ZNF599: variants seen among roughly 807,000 people sequenced by gnomAD.
ZNF599 encodes the protein zinc finger protein 599.
ZNF599 carries 10 observed loss-of-function variants against 11.7 expected under a neutral mutation model. That is an observed-to-expected ratio of 0.86 (90% CI 0.53 to 1.45). The LOEUF is 1.45. ZNF599 is among the 40% of genes most tolerant of loss of function. The pLI is 0.00. For missense variants in ZNF599, 688 were observed against 713.6 expected, an observed-to-expected ratio of 0.96 and a Z score of 0.41; for synonymous variants, 232 against 253.2, an observed-to-expected ratio of 0.92 and a Z score of 0.79.
upstream of ZNF599, among the ~76,000 whole-genome samples, chr19:34,773,402 T>C: frequency 6.6e-6 from 1 of 151,980 alleles, no homozygotes; most frequent in East Asian, 1.9e-4. Context: ...AGGGATTGGC[T>C]TCACCTCTTC....
chr19:34,767,301 C>T lies in ZNF599; in HGVS notation c.241+15G>A, dbSNP rs770628654. 7 of 1,610,684 alleles carry T rather than the reference C, an allele frequency of 4.3e-6. No individual in the cohort carries two copies. The African/African-American group carries it at 9.4e-5, about 22-fold the overall frequency. Reference sequence around the variant, plus strand: ...GGCTGCCCTGATACCCGCTGCCAGACTCTCAGTCACCAACCTGCGCAGGTG... The same window carrying T: ...GGCTGCCCTGATACCCGCTGCCAGATTCTCAGTCACCAACCTGCGCAGGTG... On this transcript the variant is annotated intron_variant, in intron 3 of 3. Transcript: ENST00000329285.
At chr19:34,786,103 G>T in the ZNF599 span, among the ~76,000 whole-genome samples, 1 of 152,254 alleles carries the variant, frequency 6.6e-6, no homozygotes, top group Admixed American at 6.5e-5. Flanking sequence ...TCCCTGCTCA[G>T]TGCTGACAAA....
the ZNF599 span, among the ~76,000 whole-genome samples, chr19:34,802,205 G>A: frequency 1.3e-5 from 2 of 152,224 alleles, no homozygotes; most frequent in East Asian, 3.8e-4. Flanking sequence ...GAGTTCACAG[G>A]ACTGTTTTCA....
the ZNF599 span, among the ~76,000 whole-genome samples, chr19:34,795,422 A>G: frequency 6.6e-6 from 1 of 151,996 alleles, no homozygotes; most frequent in South Asian, 2.1e-4. Context: ...CCACAGGCGC[A>G]CACTACCCTG....
At chr19:34,767,208 T>C in intron 3 of ZNF599, 108 bp downstream of exon 3, 2 of 781,636 alleles carry the variant, frequency 2.6e-6, no homozygotes, top group African/African-American at 1.7e-5. Flanking sequence ...AAGGGCTCCA[T>C]GACTGCTCAA....
chr19:34,790,793 G>T, the ZNF599 span, among the ~76,000 whole-genome samples: 1 of 151,880 alleles, frequency 6.6e-6, no homozygotes, highest in African/African-American at 2.4e-5. Flanking sequence ...TGAGGTGATA[G>T]ATTTAATTAG....
upstream of ZNF599, among the ~76,000 whole-genome samples, chr19:34,774,604 T>C (rs141326113): frequency 1.5e-4 from 23 of 152,366 alleles, no homozygotes; most frequent in East Asian, 4.4e-3. Context: ...GAAGCCAGGA[T>C]GTGCTGTCCT....
chr19:34,760,251 G>C lies in ZNF599; in HGVS notation c.550C>G (p.Gln184Glu). ...GTCATGGGGTCTTTTCCTGGTCCTT[G>C]AGAGTCACACTCATGGAGAGCATCT... ...PQDALHECDS[Q>E]GPGKDPMTDA... Residue 184 changes from glutamine to glutamate, a missense_variant, in exon 4 of 4, where the codon CAA becomes GAA. Coordinates refer to ENST00000329285, the MANE Select transcript of ZNF599 (RefSeq NM_001007248.3). 5 of 1,614,098 alleles carry C rather than the reference G, an allele frequency of 3.1e-6. No homozygotes were observed. The highest frequency in any genetic ancestry group is 2.2e-5 in the East Asian group (1 of 44,882).
upstream of ZNF599, among the ~76,000 whole-genome samples, chr19:34,775,252 C>T (rs776705704): frequency 6.6e-6 from 1 of 152,204 alleles, no homozygotes; most frequent in African/African-American, 2.4e-5. Flanking sequence ...CAACCTAACA[C>T]ATTTACCAAC....
the ZNF599 span, among the ~76,000 whole-genome samples, chr19:34,780,909 C>A: frequency 1.3e-5 from 2 of 152,142 alleles, no homozygotes. Flanking sequence ...GTAATCCCAG[C>A]ACTTTGGGAG....
In ZNF599 at chr19:34,772,891, C is replaced by T. The variant is rs1379251781; in HGVS notation, c.-50G>A. The T allele has an allele frequency of 5.7e-6, 8 of 1,414,734 alleles. No homozygotes were observed. The highest frequency in any genetic ancestry group is 7.3e-6 in the Non-Finnish European group (8 of 1,090,272). 87.6% of individuals were successfully genotyped at this position (1,414,734 alleles called of 1,614,324 possible). A position where few individuals can be genotyped will look rare whatever the true frequency, so the allele number is the denominator to read the frequency against. ...GTGAGAGTCGGCGAGGAAGCCGGTC[C>T]TGCGGGCTCGGCCGACCCCGGGCTC... On this transcript the variant is annotated 5_prime_UTR_variant, in exon 1 of 4. Transcript: ENST00000329285.
the ZNF599 span, among the ~76,000 whole-genome samples, chr19:34,801,308 T>C: frequency 1.3e-5 from 2 of 152,242 alleles, no homozygotes; most frequent in East Asian, 3.9e-4. Context: ...GAATTTTCCA[T>C]TTTTGCTGCA....
chr19:34,792,624 G>T, the ZNF599 span, among the ~76,000 whole-genome samples: 1 of 152,128 alleles, frequency 6.6e-6, no homozygotes, highest in Non-Finnish European at 1.5e-5. Context: ...AGCACTTTGG[G>T]AGGCCAAAGT....
At chr19:34,790,201 C>T in the ZNF599 span, among the ~76,000 whole-genome samples, 152 of 152,212 alleles carry the variant, frequency 1.0e-3, 1 homozygote, top group African/African-American at 3.4e-3. Flanking sequence ...ATTCAATTAA[C>T]GATAGCTTGT....
rs998624668 is a variant in ZNF599 at position 34,758,972 on chromosome 19, G to T, written c.*62C>A. On this transcript the variant is annotated 3_prime_UTR_variant, in exon 4 of 4. Coordinates refer to ENST00000329285, the MANE Select transcript of ZNF599 (RefSeq NM_001007248.3). Reference sequence around the variant, plus strand: ...TCAATAGTTATACTCAAAAGGAAAGGTATGTCACCACTATGAGTTCACTAA... The same window carrying T: ...TCAATAGTTATACTCAAAAGGAAAGTTATGTCACCACTATGAGTTCACTAA... 6.7e-7 allele frequency: 1 copy of T among 1,489,906 alleles called. No homozygotes were observed. Among genetic ancestry groups the T allele is most frequent in the Non-Finnish European group, 9.1e-7 (1 of 1,103,130 alleles). The allele number at this position is 1,489,906 out of a possible 1,614,324, so 92.3% of individuals were successfully genotyped here. A position where few individuals can be genotyped will look rare whatever the true frequency, so the allele number is the denominator to read the frequency against.
At chr19:34,769,802 G>A (rs2069170477) in intron 1 of ZNF599, among the ~76,000 whole-genome samples, 1 of 152,218 alleles carries the variant, frequency 6.6e-6, no homozygotes, top group South Asian at 2.1e-4. Flanking sequence ...ACTGTGAGGA[G>A]CAGACAGTAA....
chr19:34,789,340 G>T, the ZNF599 span, among the ~76,000 whole-genome samples: 5 of 152,118 alleles, frequency 3.3e-5, no homozygotes, highest in East Asian at 9.6e-4. Context: ...TGTCTAATGG[G>T]TTAATTTAAT....
chr19:34,779,243 C>CTTT, the ZNF599 span, among the ~76,000 whole-genome samples: 24 of 57,302 alleles, frequency 4.2e-4, no homozygotes, highest in African/African-American at 1.5e-3. Context: ...CCATGCCCAG[C>CTTT]TTTTTTTTTT....
intron 3 of ZNF599, chr19:34,763,586 A>G (rs2145454245): frequency 6.6e-6 from 1 of 152,346 alleles, no homozygotes; most frequent in African/African-American, 2.4e-5. Context: ...AGAACCCAAC[A>G]ATGCTGGTAC....
Sources: gnomAD v4.1 joint callset for allele counts (sites outside exome capture counted in the v4.1 genomes callset) on GRCh38, gnomAD v4.1.1 for gene constraint, MANE v1.5 for transcripts, NCBI Gene and HGNC (gene_info 2026-07-23, HGNC 2026-07-21) for gene names.